RRP15: variants seen among roughly 807,000 people sequenced by gnomAD.
RRP15 encodes RRP15-like protein.
Under a neutral mutation model 27.1 loss-of-function variants are expected in RRP15, and 18 were observed. That is an observed-to-expected ratio of 0.66 (90% confidence interval 0.46 to 0.98). RRP15 has a LOEUF of 0.98. RRP15 is among the 50% of genes least tolerant of loss of function. RRP15 has a pLI of 0.00. For synonymous variants in RRP15, 107 were observed against 109.4 expected (o/e 0.98, Z 0.14); for missense variants, 359 against 337.8 (o/e 1.06, Z -0.49).
intron 4 of RRP15, among the ~76,000 whole-genome samples, chr1:218,309,706 A>AAC (rs1558207360): frequency 1.3e-5 from 2 of 151,418 alleles, no homozygotes; most frequent in East Asian, 2.0e-4. Context: ...AAAAAAAAAA[A>AAC]AACATATTTA....
In RRP15 at chr1:218,285,346, G is replaced by A. The variant is rs1363145787; in HGVS notation, c.30G>A (p.Val10=). 1.9e-6 allele frequency: 3 copies of A among 1,614,166 alleles called. No individual in the cohort carries two copies. The highest frequency in any genetic ancestry group is 2.2e-5 in the East Asian group (1 of 44,868). The part of the protein sequence containing the change: MAAAAPDSR[V]SEEENLKKTP... ...CAGCCGCCGCTCCGGACTCACGTGTGAGTGAGGAAGAAAACCTGAAAAAGA... is the reference window on the plus strand; with the variant it reads ...CAGCCGCCGCTCCGGACTCACGTGTAAGTGAGGAAGAAAACCTGAAAAAGA... The change falls in exon 1 of 5, where the codon GTG becomes GTA. Residue 10 remains valine (V), a synonymous_variant. Coordinates refer to ENST00000366932, the MANE Select transcript of RRP15 (RefSeq NM_016052.4).
chr1:218,319,223 C>A (rs1483799961), intron 4 of RRP15, among the ~76,000 whole-genome samples: 2 of 151,984 alleles, frequency 1.3e-5, no homozygotes, highest in African/African-American at 4.8e-5. Context: ...CGCCACGACG[C>A]TTAGCTAATT....
rs150038404 is a variant in RRP15, at chr1:218,331,088, A to G, written c.846A>G (p.Thr282=). The G allele has an allele frequency of 2.5e-6, 4 of 1,608,234 alleles. No individual in the cohort carries two copies. Among genetic ancestry groups the G allele is most frequent in the African/African-American group, 1.3e-5 (1 of 74,766 alleles). The change falls in exon 5 of 5, where the codon ACA becomes ACG. Residue 282 remains threonine (T), a synonymous_variant. Coordinates refer to ENST00000366932, the MANE Select transcript of RRP15 (RefSeq NM_016052.4). ...CAGAATCTGCAAGTGACTCTGATAC[A>G]TAAAGCATCATAGGAAATACAATTG... The part of the protein sequence containing the change: ...SRPESASDSD[T]
intron 1 of RRP15, 134 bp from the exon 2 acceptor site, chr1:218,302,160 A>G (rs1655819407): frequency 3.0e-6 from 2 of 662,968 alleles, no homozygotes; most frequent in Non-Finnish European, 5.4e-6. Context: ...TCATTACTGT[A>G]GCTGTGGGAC....
rs1300389820 is a variant in RRP15, at chr1:218,290,924, T to A, written c.139+5469T>A. ...TGGGAGGATTGCTTGAACCCAGGAG[T>A]CTGAGGCCAGCCTAGGCAACATAGT... On this transcript the variant is annotated intron_variant, in intron 1 of 4. Transcript: ENST00000366932. 2.0e-5 allele frequency among the ~76,000 whole-genome samples: 3 copies of A among 151,580 alleles called. No individual in the cohort carries two copies. In the East Asian group the frequency reaches 5.8e-4, roughly 29 times the overall value.
chr1:218,299,932 A>G (rs1343029475), intron 1 of RRP15, among the ~76,000 whole-genome samples: 1 of 152,106 alleles, frequency 6.6e-6, no homozygotes, highest in Non-Finnish European at 1.5e-5. Flanking sequence ...GAATAAAATA[A>G]TTCAGTCTTT....
At chr1:218,287,352 A>G (rs537006934) in intron 1 of RRP15, among the ~76,000 whole-genome samples, 273 of 152,250 alleles carry the variant, frequency 1.8e-3, no homozygotes, top group Non-Finnish European at 3.2e-3. Flanking sequence ...GCGTATTATT[A>G]TAAATGCTGA....
intron 4 of RRP15, among the ~76,000 whole-genome samples, chr1:218,318,576 A>G (rs1047303845): frequency 6.6e-6 from 1 of 152,144 alleles, no homozygotes; most frequent in Non-Finnish European, 1.5e-5. Flanking sequence ...AGAAGTTAGG[A>G]CTACGGGCTT....
Position 218,332,589 on chromosome 1 carries a change from C to A in RRP15, c.*1498C>A, listed in dbSNP as rs1369015269. The A allele has an allele frequency of 6.6e-6, 1 of 152,046 alleles. No individual in the cohort carries two copies. The highest frequency in any genetic ancestry group is 1.5e-5 in the Non-Finnish European group (1 of 67,990). The allele number at this position is 152,046 out of a possible 1,614,324, so 9.4% of individuals were successfully genotyped here. A position where few individuals can be genotyped will look rare whatever the true frequency, so the allele number is the denominator to read the frequency against. On this transcript the variant is annotated 3_prime_UTR_variant, in exon 5 of 5. Transcript: ENST00000366932. ...GAGCAGAGATGTTTATATTTTGAAA[C>A]CCATTTGAGTGTTACAGTATTATAT... is the stretch of plus-strand genomic sequence containing the variant.
At chr1:218,322,355 T>C (rs1008662654) in intron 4 of RRP15, among the ~76,000 whole-genome samples, 1 of 152,226 alleles carries the variant, frequency 6.6e-6, no homozygotes, top group African/African-American at 2.4e-5. Context: ...GTTCATAGTA[T>C]ACTTATTGTG....
At chr1:218,287,054 C>T (rs917574334) in intron 1 of RRP15, among the ~76,000 whole-genome samples, 1 of 151,924 alleles carries the variant, frequency 6.6e-6, no homozygotes, top group African/African-American at 2.4e-5. Flanking sequence ...CCTCCCCCAC[C>T]GCCCCCCAAA....
At chr1:218,297,459 A>G (rs909901890) in intron 1 of RRP15, among the ~76,000 whole-genome samples, 3 of 152,190 alleles carry the variant, frequency 2.0e-5, no homozygotes, top group Non-Finnish European at 4.4e-5. Context: ...AAAGAACTTT[A>G]CATATTTTAA....
intron 1 of RRP15, among the ~76,000 whole-genome samples, chr1:218,292,067 G>T (rs911659616): frequency 1.3e-5 from 2 of 151,862 alleles, no homozygotes; most frequent in Non-Finnish European, 2.9e-5. Context: ...AACTCCTGGG[G>T]TCAAGTGATC....
intron 4 of RRP15, among the ~76,000 whole-genome samples, chr1:218,325,825 G>A (rs1656262683): frequency 6.6e-6 from 1 of 151,980 alleles, no homozygotes; most frequent in Non-Finnish European, 1.5e-5. Context: ...TTTGCATACT[G>A]GGCCTCTTGG....
intron 3 of RRP15, among the ~76,000 whole-genome samples, chr1:218,306,193 G>A (rs113121413): frequency 6.9e-4 from 105 of 152,226 alleles, no homozygotes; most frequent in Middle Eastern, 3.4e-3. Context: ...CCTGGATGCT[G>A]ATAGAAGACA....
chr1:218,330,701 T>C (rs1244984261), intron 4 of RRP15, among the ~76,000 whole-genome samples: 1 of 152,168 alleles, frequency 6.6e-6, no homozygotes, highest in Non-Finnish European at 1.5e-5. Flanking sequence ...TTTTTTTATT[T>C]TGCTTTCATG....
At position 218,308,324 on chromosome 1, in the gene RRP15, G is replaced by A. The variant is rs192060997; in HGVS notation, c.705+692G>A. Among the ~76,000 whole-genome samples the A allele has an allele frequency of 2.4e-4, 37 of 151,650 alleles. No homozygotes were observed. The East Asian group carries it at 5.4e-3, about 22-fold the overall frequency. ...TGACCTCAGGTGATCCACTCGCCTC[G>A]GCCTTCCAAAGTGCTGGGATTCCAG... is the stretch of plus-strand genomic sequence containing the variant. On this transcript the variant is annotated intron_variant, in intron 4 of 4. Coordinates refer to ENST00000366932, the MANE Select transcript of RRP15 (RefSeq NM_016052.4).
At chr1:218,290,101 G>A (rs1234944546) in intron 1 of RRP15, among the ~76,000 whole-genome samples, 1 of 152,108 alleles carries the variant, frequency 6.6e-6, no homozygotes, top group Non-Finnish European at 1.5e-5. Context: ...AATGTTGAAG[G>A]ACCATTCTGA....
At chr1:218,298,848 G>T (rs1176688274) in intron 1 of RRP15, among the ~76,000 whole-genome samples, 1 of 152,166 alleles carries the variant, frequency 6.6e-6, no homozygotes, top group Non-Finnish European at 1.5e-5. Flanking sequence ...GCCATGATTG[G>T]AACTTTTAGT....
Sources: allele counts gnomAD v4.1 joint callset (sites outside exome capture counted in the v4.1 genomes callset), GRCh38; gene constraint gnomAD v4.1.1; transcripts MANE v1.5; gene names NCBI Gene and HGNC (gene_info 2026-07-23, HGNC 2026-07-21).